The following SLC1A3 variants were observed in gnomAD, a reference collection of about 807,000 sequenced individuals.
The protein encoded by SLC1A3 is excitatory amino acid transporter 1.
Under a neutral mutation model 48.1 loss-of-function variants are expected in SLC1A3, and 21 were observed. The ratio of observed to expected loss-of-function variants is 0.44; its 90% confidence interval spans 0.31 to 0.63. The LOEUF is 0.63. SLC1A3 is among the 20% of genes least tolerant of loss of function. The probability of loss-of-function intolerance (pLI) is 0.08; values close to 1 mark genes in which losing one functional copy is unlikely to be tolerated. For synonymous variants in SLC1A3, 239 were observed against 251.4 expected (o/e 0.95, Z 0.47); for missense variants, 546 against 689.0 (o/e 0.79, Z 2.32).
At position 36,686,817 on chromosome 5, in the gene SLC1A3, G is replaced by C. The variant is rs1742666164; in HGVS notation, c.*548G>C. 1 of 169,252 alleles carries C rather than the reference G, an allele frequency of 5.9e-6. No individual in the cohort carries two copies. The highest frequency in any genetic ancestry group is 5.8e-5 in the Admixed American group (1 of 17,116). The allele number at this position is 169,252 out of a possible 1,614,324, so 10.5% of individuals were successfully genotyped here. ...AGCACAGCTGTGAGGACAGACAGAA[G>C]GCAAAGTTTCCATGTGGCCTTGAGC... On this transcript the variant is annotated 3_prime_UTR_variant, in exon 10 of 10. Coordinates refer to ENST00000265113, the MANE Select transcript of SLC1A3 (RefSeq NM_004172.5).
At position 36,680,689 on chromosome 5, in the gene SLC1A3, G is replaced by A. The variant is rs535738667; in HGVS notation, c.1289+100G>A. On this transcript the variant is annotated intron_variant, in intron 8 of 9. Transcript: ENST00000265113. ...TCCTAACACTTTGGGAGGCCAAGGC[G>A]GGTGGATCTCCTGAGGCCAGGAGTT... The A allele has an allele frequency of 1.6e-4, 158 of 978,492 alleles. 1 individual carries two copies. Among genetic ancestry groups the A allele is most frequent in the East Asian group, 1.1e-3 (44 of 40,898 alleles). The allele number at this position is 978,492 out of a possible 1,614,324, so 60.6% of individuals were successfully genotyped here.
chr5:36,670,890 G>C (rs969729205), intron 3 of SLC1A3, 139 bp from the exon 4 acceptor site: 1 of 768,380 alleles, frequency 1.3e-6, no homozygotes, highest in African/African-American at 1.7e-5. Context: ...TTTGGGGCCA[G>C]GTTCTCACAA....
intron 2 of SLC1A3, among the ~76,000 whole-genome samples, chr5:36,616,445 G>T (rs1739439728): frequency 1.3e-5 from 2 of 152,152 alleles, no homozygotes; most frequent in South Asian, 4.2e-4. Flanking sequence ...GTAAATTTAG[G>T]CGCAGCAAAT....
chr5:36,606,799 T>G (rs2111646737), intron 1 of SLC1A3, 64 bp downstream of exon 1: 1 of 152,494 alleles, frequency 6.6e-6, no homozygotes, highest in East Asian at 1.9e-4. Flanking sequence ...TGCCGATGTA[T>G]TTTGCCTTCC....
chr5:36,686,076 G>A lies in SLC1A3; in HGVS notation c.1436G>A (p.Arg479Gln). 6.2e-7 allele frequency: 1 copy of A among 1,614,070 alleles called. No individual in the cohort carries two copies. Among genetic ancestry groups the A allele is most frequent in the Non-Finnish European group, 8.5e-7 (1 of 1,179,978 alleles). Residue 479 changes from arginine (R) to glutamine (Q), a missense_variant, in exon 10 of 10, where the codon CGG (arginine) becomes CAG (glutamine). Arg to Gln is a conservative substitution (Grantham distance 43, BLOSUM62 1). Transcript: ENST00000265113. ...IAVDWFLDRL[R>Q]TTTNVLGDSL... ...CACCCTGCCTGCAGGGATCGCCTCC[G>A]GACCACCACCAACGTACTGGGAGAC...
At chr5:36,659,490 T>G (rs980383147) in intron 3 of SLC1A3, among the ~76,000 whole-genome samples, 4 of 152,230 alleles carry the variant, frequency 2.6e-5, no homozygotes, top group Admixed American at 1.3e-4. Context: ...GTATGTTAAT[T>G]TATTGAATTC....
intron 3 of SLC1A3, among the ~76,000 whole-genome samples, chr5:36,663,336 C>G (rs914382295): frequency 1.3e-4 from 20 of 151,336 alleles, no homozygotes; most frequent in African/African-American, 4.6e-4. Context: ...CTGCCTCAGC[C>G]TCTCGGGTAG....
At chr5:36,620,245 G>C (rs981094441) in intron 2 of SLC1A3, among the ~76,000 whole-genome samples, 2 of 152,142 alleles carry the variant, frequency 1.3e-5, no homozygotes, top group African/African-American at 4.8e-5. Flanking sequence ...CCTACCCTAA[G>C]TTACTGACAG....
chr5:36,662,364 G>T (rs1741549249), intron 3 of SLC1A3, among the ~76,000 whole-genome samples: 1 of 152,130 alleles, frequency 6.6e-6, no homozygotes, highest in Admixed American at 6.6e-5. Flanking sequence ...ATTTTCTGCG[G>T]TCCTGGGTTT....
chr5:36,598,348 A>G (rs564629155), intron 1 of SLC1A3, among the ~76,000 whole-genome samples: 1 of 152,332 alleles, frequency 6.6e-6, no homozygotes, highest in African/African-American at 2.4e-5. Context: ...AGTCTTTTCA[A>G]AAAGACTTAA....
chr5:36,655,160 G>C (rs1002312141), intron 3 of SLC1A3, among the ~76,000 whole-genome samples: 1 of 152,164 alleles, frequency 6.6e-6, no homozygotes, highest in African/African-American at 2.4e-5. Flanking sequence ...TGAATCTATA[G>C]GCATTGGCTA....
intron 2 of SLC1A3, among the ~76,000 whole-genome samples, chr5:36,615,880 C>T (rs919205710): frequency 1.3e-5 from 2 of 152,190 alleles, no homozygotes; most frequent in African/African-American, 4.8e-5. Context: ...CAGAGTTTAG[C>T]GACTATACTC....
chr5:36,615,986 A>T (rs979937746), intron 2 of SLC1A3, among the ~76,000 whole-genome samples: 2 of 152,192 alleles, frequency 1.3e-5, no homozygotes, highest in African/African-American at 4.8e-5. Flanking sequence ...TTACTACGTC[A>T]GGAGTTCAAG....
At chr5:36,665,898 G>A (rs1443284859) in intron 3 of SLC1A3, among the ~76,000 whole-genome samples, 1 of 152,184 alleles carries the variant, frequency 6.6e-6, no homozygotes, top group Non-Finnish European at 1.5e-5. Context: ...CCAACAATTT[G>A]GAATCTAACT....
intron 3 of SLC1A3, among the ~76,000 whole-genome samples, chr5:36,640,320 G>T (rs1459077672): frequency 6.6e-6 from 1 of 152,172 alleles, no homozygotes; most frequent in Non-Finnish European, 1.5e-5. Context: ...CTTCTTCATG[G>T]TGAAGATCCT....
At chr5:36,677,253 T>A in intron 6 of SLC1A3, 69 bp downstream of exon 6, 1 of 1,410,604 alleles carries the variant, frequency 7.1e-7, no homozygotes, top group South Asian at 1.2e-5. Context: ...TGTTCTGTAC[T>A]GAGGAAGGTG....
chr5:36,603,903 T>C (rs1232235176), upstream of SLC1A3, among the ~76,000 whole-genome samples: 2 of 152,210 alleles, frequency 1.3e-5, no homozygotes, highest in Non-Finnish European at 2.9e-5. Context: ...GGTTTTCTAA[T>C]CCATTTTGTT....
intron 1 of SLC1A3, among the ~76,000 whole-genome samples, chr5:36,599,548 C>T (rs568425434): frequency 2.3e-4 from 25 of 108,990 alleles, no homozygotes; most frequent in South Asian, 1.6e-3. Flanking sequence ...CTCACTCTGT[C>T]ACCCAGGCTG....
At chr5:36,648,508 C>A (rs904544848) in intron 3 of SLC1A3, among the ~76,000 whole-genome samples, 2 of 152,130 alleles carry the variant, frequency 1.3e-5, no homozygotes, top group Non-Finnish European at 2.9e-5. Flanking sequence ...GGGAGTTCAG[C>A]TTTTATAACC....
Sources: allele counts gnomAD v4.1 joint callset (sites outside exome capture counted in the v4.1 genomes callset), GRCh38; gene constraint gnomAD v4.1.1; transcripts MANE v1.5; gene names NCBI Gene and HGNC (gene_info 2026-07-23, HGNC 2026-07-21).